The following MDM2 variants were observed in gnomAD, a reference collection of about 807,000 sequenced individuals.
MDM2 encodes the protein E3 ubiquitin-protein ligase Mdm2.
Under a neutral mutation model 64.3 loss-of-function variants are expected in MDM2, and 11 were observed. That is an observed-to-expected ratio of 0.17 (90% CI 0.11 to 0.28). The LOEUF (loss-of-function observed/expected upper bound fraction) is 0.28, where lower values mean the gene tolerates loss of function less well. Ranked by LOEUF, MDM2 falls within the 10% of genes least tolerant of loss-of-function variation. The pLI is 1.00. For missense variants in MDM2, 388 were observed against 577.1 expected (o/e 0.67, Z 3.36); for synonymous variants, 194 against 192.9 (o/e 1.01, Z -0.05).
Position 68,843,239 on chromosome 12 carries a change from A to C in MDM2, c.*3390A>C, listed in dbSNP as rs1317511504. On this transcript the variant is annotated 3_prime_UTR_variant, in exon 11 of 11. Coordinates refer to ENST00000258149, the MANE Select transcript of MDM2 (RefSeq NM_002392.6). Reference sequence around the variant, plus strand: ...TTCTAGCTGAAGTATTATGAACTCCAAATAATGCTTTGAGGACCTCCAAAG... The same window carrying C: ...TTCTAGCTGAAGTATTATGAACTCCCAATAATGCTTTGAGGACCTCCAAAG... 1 of 225,944 alleles carries C rather than the reference A, an allele frequency of 4.4e-6. No individual in the cohort carries two copies. The highest frequency in any genetic ancestry group is 8.8e-6 in the Non-Finnish European group (1 of 113,646). The allele number at this position is 225,944 out of a possible 1,614,324, so 14.0% of individuals were successfully genotyped here. A position where few individuals can be genotyped will look rare whatever the true frequency, so the allele number is the denominator to read the frequency against.
At chr12:68,810,375 A>G (rs1278873280) in intron 2 of MDM2, among the ~76,000 whole-genome samples, 1 of 151,962 alleles carries the variant, frequency 6.6e-6, no homozygotes, top group Non-Finnish European at 1.5e-5. Context: ...CAATTTTACT[A>G]TTTGATTGCT....
At chr12:68,815,728 C>A in intron 3 of MDM2, 2 of 285,262 alleles carry the variant, frequency 7.0e-6, no homozygotes, top group Non-Finnish European at 1.4e-5. Flanking sequence ...CAGGTGTGAG[C>A]CACTGTGCCC....
rs750882198 is a variant in MDM2 at position 68,808,445 on chromosome 12, AG to A, written c.-30del. On this transcript the variant is annotated 5_prime_UTR_variant, in exon 1 of 11. Coordinates refer to ENST00000258149, the MANE Select transcript of MDM2 (RefSeq NM_002392.6). ...CCGTGAAGGAAACTGGGGAGTCTTGAGGGACCCCCGACTCCAAGCGCGAAAA... is the reference window on the plus strand; with the variant it reads ...CCGTGAAGGAAACTGGGGAGTCTTGAGGACCCCCGACTCCAAGCGCGAAAA... 7 of 1,613,758 alleles carry A rather than the reference AG, an allele frequency of 4.3e-6. No individual in the cohort carries two copies. The highest frequency in any genetic ancestry group is 1.7e-4 in the Middle Eastern group (1 of 6,040).
intron 2 of MDM2, among the ~76,000 whole-genome samples, chr12:68,811,537 T>C (rs1825831054): frequency 6.6e-6 from 1 of 152,094 alleles, no homozygotes; most frequent in Admixed American, 6.6e-5. Context: ...TTATCTTTTA[T>C]AGCTGTTTTC....
intron 7 of MDM2, 109 bp downstream of exon 7, chr12:68,824,760 A>G: frequency 4.2e-6 from 3 of 707,628 alleles, no homozygotes; most frequent in Middle Eastern, 4.0e-4. Flanking sequence ...TTTGGTTGAG[A>G]TGAATTAACC....
At position 68,839,592 on chromosome 12, in the gene MDM2, A is replaced by G. The variant is rs780673045; in HGVS notation, c.1237A>G (p.Ser413Gly). 2 of 1,613,980 alleles carry G rather than the reference A, an allele frequency of 1.2e-6. No homozygotes were observed. Among genetic ancestry groups the G allele is most frequent in the East Asian group, 4.5e-5 (2 of 44,866 alleles). The change falls in exon 11 of 11, where the codon AGC (serine) becomes GGC (glycine). Residue 413 changes from serine to glycine, a missense_variant. This residue lies in a region of MDM2 where 138 missense variants were observed against 143.7 expected (regional missense o/e 0.96). Transcript: ENST00000258149. ...PSTSSSIIYS[S>G]QEDVKEFERE... is the part of the protein sequence containing the mutation. ...AACTTCTAGTAGCATTATTTATAGC[A>G]GCCAAGAAGATGTGAAAGAGTTTGA... is the stretch of plus-strand genomic sequence containing the variant.
chr12:68,814,614 C>A, intron 3 of MDM2: 1 of 409,528 alleles, frequency 2.4e-6, no homozygotes, highest in Non-Finnish European at 4.8e-6. Context: ...ACTTCTTGGG[C>A]ATCCCTGGAT....
intron 10 of MDM2, 83 bp from the exon 11 acceptor site, chr12:68,839,191 A>G (rs1388914143): frequency 7.8e-7 from 1 of 1,288,298 alleles, no homozygotes; most frequent in African/African-American, 1.5e-5. Context: ...ACTTTACCTT[A>G]GACATAGCAA....
intron 7 of MDM2, 73 bp downstream of exon 7, chr12:68,824,724 T>TA: frequency 1.0e-6 from 1 of 957,872 alleles, no homozygotes. Context: ...TTAGTGCTTT[T>TA]AGACTTAATT....
chr12:68,846,345 C>T (rs1884296930), downstream of MDM2: 1 of 152,186 alleles, frequency 6.6e-6, no homozygotes, highest in Non-Finnish European at 1.5e-5. Context: ...TCTTGGCTTC[C>T]CAAAGTGCTG....
chr12:68,841,554 C>T lies in MDM2; in HGVS notation c.*1705C>T. On this transcript the variant is annotated 3_prime_UTR_variant, in exon 11 of 11. Transcript: ENST00000258149. The stretch of plus-strand genomic sequence containing the variant: ...ACCTAGATTACATCAGGCCCTTTTT[C>T]ACACACAAAAAAATCCTTTATGGGA... The T allele has an allele frequency of 4.8e-6, 1 of 209,050 alleles. No homozygotes were observed. The highest frequency in any genetic ancestry group is 7.2e-5 in the East Asian group (1 of 13,826). 12.9% of individuals were successfully genotyped at this position (209,050 alleles called of 1,614,324 possible).
Position 68,842,470 on chromosome 12 carries a change from T to C in MDM2, c.*2621T>C, listed in dbSNP as rs2136186373. ...TTAGAACCTCTAAATTATTGACTTA[T>C]TTTTTATATAAGGTCACTCCGATGA... On this transcript the variant is annotated 3_prime_UTR_variant, in exon 11 of 11. Transcript: ENST00000258149. 4 of 413,160 alleles carry C rather than the reference T, an allele frequency of 9.7e-6. No individual in the cohort carries two copies. Among genetic ancestry groups the C allele is most frequent in the South Asian group, 7.8e-5 (4 of 51,536 alleles). 25.6% of individuals were successfully genotyped at this position (413,160 alleles called of 1,614,324 possible).
intron 2 of MDM2, among the ~76,000 whole-genome samples, chr12:68,809,579 C>T (rs1592565040): frequency 6.6e-6 from 1 of 151,610 alleles, no homozygotes; most frequent in African/African-American, 2.4e-5. Context: ...CCTTTTTGAC[C>T]TCCCAGTATT....
In MDM2 at chr12:68,816,362, CTTTTTTTTT is replaced by C. The variant is rs62874563; in HGVS notation, c.175-430_175-422del. On this transcript the variant is annotated intron_variant, in intron 3 of 10. Transcript: ENST00000258149. ...TTAAATGGAAAAGGCTTAAAAGTAG[CTTTTTTTTT>C]TTTTTTTTTTTTTTTTTTTGAGATG... 1.5e-4 allele frequency among the ~76,000 whole-genome samples: 9 copies of C among 61,086 alleles called. No individual in the cohort carries two copies. In the East Asian group the frequency reaches 1.7e-3, roughly 11 times the overall value. 40.1% of individuals were successfully genotyped at this position (61,086 alleles called of 152,430 possible).
At chr12:68,818,678 A>G (rs1281573091) in intron 4 of MDM2, among the ~76,000 whole-genome samples, 1 of 150,860 alleles carries the variant, frequency 6.6e-6, no homozygotes, top group African/African-American at 2.4e-5. Context: ...CTTGGTATAT[A>G]TGGTTTAATT....
At chr12:68,814,671 TG>T in intron 3 of MDM2, 1 of 320,576 alleles carries the variant, frequency 3.1e-6, no homozygotes, top group Non-Finnish European at 6.1e-6. Context: ...TACAGTATAC[TG>T]ATCTTTCTGG....
downstream of MDM2, chr12:68,847,452 C>CTTTTTTT (rs772905678): frequency 0.18 from 16,189 of 87,724 alleles, 3,017 homozygotes; most frequent in Non-Finnish European, 0.23. Flanking sequence ...TATCTCCTTT[C>CTTTTTTT]TTTTTTTTTT....
In MDM2 at chr12:68,835,924, C is replaced by G; in HGVS notation, c.780C>G (p.Leu260=). 6.2e-7 allele frequency: 1 copy of G among 1,613,514 alleles called. No homozygotes were observed. Among genetic ancestry groups the G allele is most frequent in the Non-Finnish European group, 8.5e-7 (1 of 1,179,634 alleles). Residue 260 remains leucine, a synonymous_variant, in exon 9 of 11, where the codon CTC becomes CTG. Transcript: ENST00000258149. ...QFSVEFEVES[L]DSEDYSLSEE... Reference sequence around the variant, plus strand: ...GTGTAGAATTTGAAGTTGAATCTCTCGACTCAGAAGATTATAGCCTTAGTG... The same window carrying G: ...GTGTAGAATTTGAAGTTGAATCTCTGGACTCAGAAGATTATAGCCTTAGTG...
intron 9 of MDM2, 66 bp from the exon 10 acceptor site, chr12:68,836,606 A>T (rs1284168630): frequency 9.3e-7 from 1 of 1,070,470 alleles, no homozygotes; most frequent in Non-Finnish European, 1.5e-6. Flanking sequence ...AGGACTTATT[A>T]CTAGGAAGCC....
Sources: allele counts gnomAD v4.1 joint callset (sites outside exome capture counted in the v4.1 genomes callset), GRCh38; gene constraint gnomAD v4.1.1; regional missense constraint gnomAD v4.1.1; transcripts MANE v1.5; gene names NCBI Gene and HGNC (gene_info 2026-07-23, HGNC 2026-07-21).